The following SOCS5 variants were observed in gnomAD, a reference collection of about 807,000 sequenced individuals.
SOCS5 encodes CIS-6.
Under a neutral mutation model 42.8 loss-of-function variants are expected in SOCS5, and 32 were observed. The ratio of observed to expected loss-of-function variants is 0.75; its 90% CI spans 0.56 to 1.01. SOCS5 has a LOEUF of 1.01. SOCS5 is among the 50% of genes least tolerant of loss of function. SOCS5 has a pLI of 0.00. For synonymous variants in SOCS5, 283 were observed against 229.6 expected (o/e 1.23, Z -2.10); for missense variants, 627 against 653.0 (o/e 0.96, Z 0.43).
chr2:46,709,891 T>G lies in SOCS5; in HGVS notation c.-13+10442T>G, dbSNP rs993593120. ...AAATCCCTTGTATCTTTTTGTTTTCTCCTTACATACTTCTATAACAGCAAT... is the reference window on the plus strand; with the variant it reads ...AAATCCCTTGTATCTTTTTGTTTTCGCCTTACATACTTCTATAACAGCAAT... On this transcript the variant is annotated intron_variant, in intron 1 of 1. Transcript: ENST00000394861. Among the ~76,000 whole-genome samples, 3 of 152,330 alleles carry G rather than the reference T, an allele frequency of 2.0e-5. No individual in the cohort carries two copies. The East Asian group carries it at 5.8e-4, about 29-fold the overall frequency.
At chr2:46,704,515 T>C (rs1026343387) in intron 1 of SOCS5, among the ~76,000 whole-genome samples, 15 of 152,182 alleles carry the variant, frequency 9.9e-5, no homozygotes, top group African/African-American at 3.6e-4. Context: ...AACTGAATTT[T>C]GTAGGAATTT....
At chr2:46,757,101 T>G (rs1362716256) in intron 1 of SOCS5, among the ~76,000 whole-genome samples, 1 of 152,256 alleles carries the variant, frequency 6.6e-6, no homozygotes, top group East Asian at 1.9e-4. Context: ...TTCTGTGTTG[T>G]GTTTCCATTA....
At chr2:46,725,692 G>A (rs1672975735) in intron 1 of SOCS5, among the ~76,000 whole-genome samples, 1 of 151,830 alleles carries the variant, frequency 6.6e-6, no homozygotes, top group Admixed American at 6.6e-5. Flanking sequence ...TTAAACCTCA[G>A]CATTCATTGG....
At chr2:46,737,699 A>C (rs912226537) in intron 1 of SOCS5, among the ~76,000 whole-genome samples, 1 of 152,160 alleles carries the variant, frequency 6.6e-6, no homozygotes. Flanking sequence ...AATTTCACAG[A>C]CGCTTTCCCA....
At chr2:46,730,078 T>C (rs1018712269) in intron 1 of SOCS5, among the ~76,000 whole-genome samples, 1 of 152,214 alleles carries the variant, frequency 6.6e-6, no homozygotes, top group Non-Finnish European at 1.5e-5. Context: ...AGCTCTGTTA[T>C]GATCTTAAAG....
At chr2:46,712,803 GTTTTTGTTTTTGC>G (rs1003087219) in intron 1 of SOCS5, among the ~76,000 whole-genome samples, 4 of 151,178 alleles carry the variant, frequency 2.6e-5, no homozygotes, top group Admixed American at 1.3e-4. Flanking sequence ...TCGTTTTTTT[GTTTTTGTTTTTGC>G]TTTTTGTTTT....
At chr2:46,739,392 G>A (rs28715577) in intron 1 of SOCS5, among the ~76,000 whole-genome samples, 33,063 of 152,048 alleles carry the variant, frequency 0.22, 5,828 homozygotes, top group African/African-American at 0.46. Context: ...AGCACTTTGC[G>A]AGTGCCTCCA....
At chr2:46,723,160 G>T (rs1466537040) in intron 1 of SOCS5, among the ~76,000 whole-genome samples, 1 of 151,994 alleles carries the variant, frequency 6.6e-6, no homozygotes, top group Admixed American at 6.6e-5. Context: ...TTAATTTGGT[G>T]AAGTCCAGTT....
chr2:46,728,492 G>A (rs1673044349), intron 1 of SOCS5, among the ~76,000 whole-genome samples: 1 of 152,020 alleles, frequency 6.6e-6, no homozygotes, highest in South Asian at 2.1e-4. Context: ...CTCATTTTAG[G>A]CATGAGGAAA....
intron 1 of SOCS5, among the ~76,000 whole-genome samples, chr2:46,704,193 A>T (rs1000348054): frequency 6.6e-6 from 1 of 152,244 alleles, no homozygotes; most frequent in African/African-American, 2.4e-5. Flanking sequence ...ATTGTATTTG[A>T]AATGGGCTTA....
Position 46,758,588 on chromosome 2 carries a change from G to C in SOCS5, c.58G>C (p.Gly20Arg), listed in dbSNP as rs148263807. ...NFKYRCQNLFGHEGGSRSENV... is the reference protein window; with the variant it reads ...NFKYRCQNLFRHEGGSRSENV... ...CAAATACAGGTGTCAGAATCTCTTC[G>C]GTCATGAGGGAGGAAGCCGTAGTGA... The change falls in exon 2 of 2, where the codon GGT becomes CGT. Residue 20 changes from glycine to arginine, a missense_variant. This residue lies in a region of SOCS5 where 278 missense variants were observed against 246.3 expected (regional missense o/e 1.13). Transcript: ENST00000394861. 2.3e-4 allele frequency: 366 copies of C among 1,612,964 alleles called. No individual in the cohort carries two copies. The highest frequency in any genetic ancestry group is 2.9e-4 in the Non-Finnish European group (347 of 1,179,520).
intron 1 of SOCS5, among the ~76,000 whole-genome samples, chr2:46,730,222 A>G (rs1673085849): frequency 6.6e-6 from 1 of 152,192 alleles, no homozygotes; most frequent in Non-Finnish European, 1.5e-5. Context: ...CTACTATGCC[A>G]TGTAATGCTC....
At chr2:46,717,796 A>G (rs1386913327) in intron 1 of SOCS5, among the ~76,000 whole-genome samples, 1 of 152,184 alleles carries the variant, frequency 6.6e-6, no homozygotes, top group Non-Finnish European at 1.5e-5. Flanking sequence ...TTTTCACTCT[A>G]GCTTAGCTGC....
chr2:46,760,269 T>C lies in SOCS5; in HGVS notation c.*128T>C. 1 of 669,974 alleles carries C rather than the reference T, an allele frequency of 1.5e-6. No homozygotes were observed. Among genetic ancestry groups the C allele is most frequent in the Non-Finnish European group, 2.6e-6 (1 of 384,686 alleles). The allele number at this position is 669,974 out of a possible 1,614,324, so 41.5% of individuals were successfully genotyped here. ...TATGTAAGCTTAGTGTTAGTATCTG[T>C]CAGATGCTACCTGCTGTTACTTATT... On this transcript the variant is annotated 3_prime_UTR_variant, in exon 2 of 2. Transcript: ENST00000394861.
intron 1 of SOCS5, among the ~76,000 whole-genome samples, chr2:46,721,696 T>C (rs1672888200): frequency 6.6e-6 from 1 of 152,196 alleles, no homozygotes; most frequent in Non-Finnish European, 1.5e-5. Flanking sequence ...TCCCAAAATA[T>C]ATGTAGTTAC....
chr2:46,760,051 C>G lies in SOCS5; in HGVS notation c.1521C>G (p.Pro507=), dbSNP rs147136060. 3.9e-5 allele frequency: 63 copies of G among 1,613,608 alleles called. No homozygotes were observed. In the East Asian group the frequency reaches 1.4e-3, roughly 35 times the overall value. ...ATGGAATTGATGGGCTCCCTCTACC[C>G]TCAATGTTACAGGATTTTTTAAAAG... The part of the protein sequence containing the change: ...TYDGIDGLPL[P]SMLQDFLKEY... Residue 507 remains proline, a synonymous_variant, in exon 2 of 2, where the codon CCC becomes CCG. Transcript: ENST00000394861.
At chr2:46,729,872 G>A (rs911677211) in intron 1 of SOCS5, among the ~76,000 whole-genome samples, 2 of 151,900 alleles carry the variant, frequency 1.3e-5, no homozygotes, top group Admixed American at 6.6e-5. Flanking sequence ...TGCCTATTTT[G>A]TAGTAGTACT....
intron 1 of SOCS5, among the ~76,000 whole-genome samples, chr2:46,735,139 G>A (rs1673214736): frequency 6.6e-6 from 1 of 152,138 alleles, no homozygotes; most frequent in African/African-American, 2.4e-5. Flanking sequence ...AATAAGGATG[G>A]CCTAAAAATG....
In SOCS5 at chr2:46,746,561, G is replaced by A. The variant is rs572152661; in HGVS notation, c.-12-11958G>A. Among the ~76,000 whole-genome samples, 4 of 151,888 alleles carry A rather than the reference G, an allele frequency of 2.6e-5. No individual in the cohort carries two copies. The South Asian group carries it at 8.3e-4, about 32-fold the overall frequency. ...AGCTACTCGGGAGGCTGAGGCAGGA[G>A]AATGGTGTGAACCTGAGAGGTAGAG... On this transcript the variant is annotated intron_variant, in intron 1 of 1. Transcript: ENST00000394861.
Sources: gnomAD v4.1 joint callset for allele counts (sites outside exome capture counted in the v4.1 genomes callset) on GRCh38, gnomAD v4.1.1 for gene constraint, gnomAD v4.1.1 regional missense constraint, MANE v1.5 for transcripts, NCBI Gene and HGNC (gene_info 2026-07-23, HGNC 2026-07-21) for gene names.